Variants in DMD observed in about 807,000 individuals in gnomAD.
DMD encodes mutant dystrophin.
Under a neutral mutation model 330.1 loss-of-function variants are expected in DMD, and 63 were observed. That is an observed-to-expected ratio of 0.19 (90% CI 0.16 to 0.24). The LOEUF (loss-of-function observed/expected upper bound fraction) is 0.24, where lower values mean the gene tolerates loss of function less well. Ranked by LOEUF, DMD falls within the 10% of genes least tolerant of loss-of-function variation. DMD has a pLI of 1.00. For synonymous variants in DMD, 1,223 were observed against 959.8 expected, an observed-to-expected ratio of 1.27 and a Z score of -5.07; for missense variants, 3,344 against 2,684.1, an observed-to-expected ratio of 1.25 and a Z score of -5.43.
intron 2 of DMD, among the ~76,000 whole-genome samples, chrX:32,927,029 T>C (rs1209043378): frequency 1.8e-5 from 2 of 111,814 alleles, no homozygotes; most frequent in Non-Finnish European, 3.8e-5. Context: ...CATATATTAA[T>C]TGCTTAGCAA....
intron 74 of DMD, among the ~76,000 whole-genome samples, chrX:31,166,164 A>C (rs1381682291): frequency 8.9e-6 from 1 of 112,349 alleles, no homozygotes; most frequent in Non-Finnish European, 1.9e-5. Context: ...CAATTCATTT[A>C]TTCATTAATG....
intron 1 of DMD, among the ~76,000 whole-genome samples, chrX:33,034,193 C>T (rs755166116): frequency 1.6e-3 from 175 of 110,911 alleles, no homozygotes; most frequent in African/African-American, 5.6e-3. Flanking sequence ...ACACTGAAAA[C>T]ATTAGTTTTT....
intron 78 of DMD, among the ~76,000 whole-genome samples, chrX:31,122,311 ATGAG>A (rs1285304366): frequency 9.0e-6 from 1 of 110,756 alleles, no homozygotes; most frequent in South Asian, 4.1e-4. Flanking sequence ...CACCTTGGCT[ATGAG>A]TGATTGATTG....
At chrX:31,316,997 G>A (rs2056068153) in intron 62 of DMD, among the ~76,000 whole-genome samples, 1 of 112,104 alleles carries the variant, frequency 8.9e-6, no homozygotes, top group African/African-American at 3.2e-5. Context: ...TTTCTATCCC[G>A]ATAAGATTGA....
At chrX:32,226,489 T>C (rs1032654533) in intron 43 of DMD, among the ~76,000 whole-genome samples, 6 of 112,188 alleles carry the variant, frequency 5.3e-5, no homozygotes, top group South Asian at 7.4e-4. Context: ...CAGTACACTA[T>C]GTACCTCTTA....
chrX:31,523,447 C>A (rs73453964), intron 55 of DMD, among the ~76,000 whole-genome samples: 6,796 of 110,918 alleles, frequency 0.061, 166 homozygotes, highest in African/African-American at 0.097. Flanking sequence ...AAAATGGCAC[C>A]AAAATGTGAT....
rs189835282 is a variant in DMD at position 32,424,650 on chromosome X, T to A, written c.4072-12737A>T. Among the ~76,000 whole-genome samples, 345 of 111,286 alleles carry A rather than the reference T, an allele frequency of 3.1e-3. 3 individuals are homozygous for A. Among genetic ancestry groups the A allele is most frequent in the African/African-American group, 9.8e-3 (302 of 30,680 alleles). On this transcript the variant is annotated intron_variant, in intron 29 of 78. Transcript: ENST00000357033. ...CTGTTGCCATCTTACAATGCTTAAT[T>A]TTTGAGTATGGGACCCAGTATTTTC...
intron 7 of DMD, among the ~76,000 whole-genome samples, chrX:32,782,272 G>C (rs879157775): frequency 9.0e-6 from 1 of 111,553 alleles, no homozygotes; most frequent in Non-Finnish European, 1.9e-5. Context: ...GGTGTGTATA[G>C]TATGTGATAA....
Position 32,828,916 on chromosome X carries a change from A to C in DMD, c.265-5529T>G, listed in dbSNP as rs191296943. Among the ~76,000 whole-genome samples the C allele has an allele frequency of 7.5e-4, 84 of 111,414 alleles. 1 individual carries two copies. In the East Asian group the frequency reaches 0.022, roughly 30 times the overall value. On this transcript the variant is annotated intron_variant, in intron 4 of 78. Coordinates refer to ENST00000357033, the MANE Select transcript of DMD (RefSeq NM_004006.3). ...TGTATCACTGACCTATTACAATTCC[A>C]TGTGTGAATTGTCTGTTAATATGTT...
chrX:33,062,949 G>T (rs190719676), intron 1 of DMD, among the ~76,000 whole-genome samples: 1 of 111,947 alleles, frequency 8.9e-6, no homozygotes, highest in African/African-American at 3.2e-5. Context: ...CACCATCTGT[G>T]CCACACAGAC....
chrX:31,897,035 T>C (rs1485693962), intron 47 of DMD, among the ~76,000 whole-genome samples: 4 of 110,735 alleles, frequency 3.6e-5, no homozygotes, highest in African/African-American at 6.6e-5. Flanking sequence ...ACTTGTCATC[T>C]AGCATTGGGT....
chrX:32,066,883 T>C (rs1408790388), intron 44 of DMD, among the ~76,000 whole-genome samples: 3 of 111,628 alleles, frequency 2.7e-5, no homozygotes, highest in Non-Finnish European at 5.7e-5. Context: ...TGAGTTTTAA[T>C]ATAAAAATGG....
intron 55 of DMD, among the ~76,000 whole-genome samples, chrX:31,622,873 T>TACAC (rs1288547854): frequency 2.5e-4 from 22 of 86,906 alleles, no homozygotes; most frequent in Non-Finnish European, 4.0e-4. Context: ...TATATATATA[T>TACAC]ATATACACAC....
At chrX:32,879,022 A>C (rs2083636270) in intron 2 of DMD, among the ~76,000 whole-genome samples, 1 of 101,438 alleles carries the variant, frequency 9.9e-6, no homozygotes, top group African/African-American at 3.7e-5. Flanking sequence ...AAAAAACAAA[A>C]AACAAAAAAC....
intron 17 of DMD, among the ~76,000 whole-genome samples, chrX:32,542,034 T>A (rs2048534289): frequency 9.0e-6 from 1 of 111,387 alleles, no homozygotes; most frequent in Non-Finnish European, 1.9e-5. Context: ...TTTAGAGATA[T>A]AAAGCTTTAA....
rs190539818 is a variant in DMD at position 32,807,964 on chromosome X, A to G, written c.649+1529T>C. 4.4e-5 allele frequency among the ~76,000 whole-genome samples: 5 copies of G among 112,398 alleles called. No homozygotes were observed. The East Asian group carries it at 1.4e-3, about 31-fold the overall frequency. On this transcript the variant is annotated intron_variant, in intron 7 of 78. Transcript: ENST00000357033. The stretch of plus-strand genomic sequence containing the variant: ...GATTCAATAAAAAACAAACATATTA[A>G]CAGCCTTATCTTTCAAATTCATACA...
intron 50 of DMD, among the ~76,000 whole-genome samples, chrX:31,803,698 CTCTTTCTTTT>C (rs2092175999): frequency 1.3e-5 from 1 of 75,132 alleles, no homozygotes; most frequent in Admixed American, 1.7e-4. Context: ...CTCTCTCTCT[CTCTTTCTTTT>C]TATTTTTTGA....
chrX:32,507,031 A>C (rs969447432), intron 18 of DMD, among the ~76,000 whole-genome samples: 2 of 111,863 alleles, frequency 1.8e-5, no homozygotes, highest in Non-Finnish European at 3.8e-5. Context: ...CACTACTTAC[A>C]TTTATTCTCC....
chrX:32,181,871 C>T (rs1046277452), intron 44 of DMD, among the ~76,000 whole-genome samples: 3 of 112,209 alleles, frequency 2.7e-5, no homozygotes, highest in Non-Finnish European at 5.6e-5. Flanking sequence ...ACTTGAAATA[C>T]ATCCCACCTT....
Sources: gnomAD v4.1 joint callset for allele counts (sites outside exome capture counted in the v4.1 genomes callset) on GRCh38, gnomAD v4.1.1 for gene constraint, MANE v1.5 for transcripts, NCBI Gene and HGNC (gene_info 2026-07-23, HGNC 2026-07-21) for gene names.